The following RBM24 variants were observed in gnomAD, a reference collection of about 807,000 sequenced individuals.
RBM24 encodes RNA binding motif protein 24, also known as RNA-binding protein 24.
RBM24 carries 5 observed loss-of-function variants against 23.6 expected under a neutral mutation model. The observed-to-expected ratio is 0.21, with a 90% CI of 0.11 to 0.45. The LOEUF is 0.45. Ranked by LOEUF, RBM24 falls within the 20% of genes least tolerant of loss-of-function variation. The pLI, the probability that RBM24 is intolerant of heterozygous loss-of-function variation, is 0.99. For synonymous variants in RBM24, 151 were observed against 129.5 expected (o/e 1.17, Z -1.13); for missense variants, 252 against 314.6 (o/e 0.80, Z 1.51).
intron 2 of RBM24, 127 bp from the exon 3 acceptor site, chr6:17,284,530 T>C (rs1300004662): frequency 7.7e-6 from 5 of 650,298 alleles, no homozygotes; most frequent in South Asian, 2.6e-5. Context: ...TACATACATA[T>C]AGTTTCTTTA....
At position 17,292,001 on chromosome 6, in the gene RBM24, A is replaced by C. The variant is rs1183586720; in HGVS notation, c.593A>C (p.Gln198Pro). Residue 198 changes from glutamine (Q) to proline (P), a missense_variant, in exon 4 of 4, where the codon CAG becomes CCG. Physicochemically the swap from Gln to Pro is moderately conservative, Grantham distance 76 (BLOSUM62 -1). Transcript: ENST00000379052. ...GCTGGGGGCTATGGCTACGCAGTCC[A>C]GCAGCCAATCACCGCAGCGGCACCT... is the stretch of plus-strand genomic sequence containing the variant. The part of the protein sequence containing the change: ...VTAGGYGYAV[Q>P]QPITAAAPGT... The C allele has an allele frequency of 1.9e-6, 3 of 1,607,392 alleles. No individual in the cohort carries two copies. Among genetic ancestry groups the C allele is most frequent in the Non-Finnish European group, 2.5e-6 (3 of 1,179,142 alleles).
chr6:17,284,863 T>A, intron 3 of RBM24, 152 bp downstream of exon 3: 1 of 536,360 alleles, frequency 1.9e-6, no homozygotes, highest in Non-Finnish European at 3.2e-6. Flanking sequence ...GCTGATACTA[T>A]AAATATTTTT....
intron 3 of RBM24, among the ~76,000 whole-genome samples, chr6:17,287,802 C>G (rs1157638106): frequency 6.6e-6 from 1 of 151,412 alleles, no homozygotes; most frequent in Non-Finnish European, 1.5e-5. Flanking sequence ...GAGCGAGACT[C>G]CATCTCAAAA....
intron 3 of RBM24, chr6:17,288,542 A>G (rs1416806496): frequency 4.1e-6 from 4 of 985,338 alleles, no homozygotes; most frequent in African/African-American, 3.5e-5. Context: ...TGTTAAGACA[A>G]CAAAGCATAA....
At chr6:17,291,718 G>A (rs754497461) in intron 3 of RBM24, 38 bp from the exon 4 acceptor site, 1 of 1,571,578 alleles carries the variant, frequency 6.4e-7, no homozygotes, top group South Asian at 1.2e-5. Context: ...CAGTTAGGAG[G>A]TGACTACCGC....
rs972949524 is a variant in RBM24, at chr6:17,292,413, G to A, written c.*294G>A. The A allele has an allele frequency of 9.2e-6, 2 of 218,452 alleles. No individual in the cohort carries two copies. Among genetic ancestry groups the A allele is most frequent in the African/African-American group, 2.3e-5 (1 of 43,954 alleles). 13.5% of individuals were successfully genotyped at this position (218,452 alleles called of 1,614,324 possible). On this transcript the variant is annotated 3_prime_UTR_variant, in exon 4 of 4. Transcript: ENST00000379052. Reference sequence around the variant, plus strand: ...AACAACGGAACTTCACTTTTGTAACGGGATTTTTATTTTTGCTCTTTTTAT... The same window carrying A: ...AACAACGGAACTTCACTTTTGTAACAGGATTTTTATTTTTGCTCTTTTTAT...
At chr6:17,290,634 T>C (rs1006012739) in intron 3 of RBM24, among the ~76,000 whole-genome samples, 3 of 152,238 alleles carry the variant, frequency 2.0e-5, no homozygotes, top group Non-Finnish European at 2.9e-5. Context: ...GTACAAAATA[T>C]CAACGAATAG....
chr6:17,290,627 C>A (rs2113410930), intron 3 of RBM24, among the ~76,000 whole-genome samples: 1 of 152,162 alleles, frequency 6.6e-6, no homozygotes, highest in Non-Finnish European at 1.5e-5. Context: ...ATGATTTGTA[C>A]AAAATATCAA....
At chr6:17,289,170 A>G in intron 3 of RBM24, 1 of 985,254 alleles carries the variant, frequency 1.0e-6, no homozygotes, top group South Asian at 4.7e-5. Context: ...GTAAATGTCT[A>G]ATAGGAGGGA....
chr6:17,281,626 C>T lies in RBM24; in HGVS notation c.45C>T (p.Val15=), dbSNP rs529645663. Residue 15 remains valine, a synonymous_variant, in exon 1 of 4, where the codon GTC becomes GTT. Transcript: ENST00000379052. The surrounding 1 kb of genome is among the most constrained non-coding windows in gnomAD (Gnocchi z 7.1). ...ACACGACGTACACCAAGATCTTCGT[C>T]GGGGGGCTGCCCTACCACACCACCG... ...QKDTTYTKIF[V]GGLPYHTTDA... The T allele has an allele frequency of 3.6e-5, 55 of 1,549,178 alleles. No individual in the cohort carries two copies. The African/African-American group carries it at 5.2e-4, about 15-fold the overall frequency.
chr6:17,283,653 G>T (rs573542414), intron 2 of RBM24, among the ~76,000 whole-genome samples: 4 of 152,286 alleles, frequency 2.6e-5, no homozygotes, highest in African/African-American at 9.6e-5. Flanking sequence ...CTGACCTCAG[G>T]TGATCCACCC....
In RBM24 at chr6:17,284,556, G is replaced by A. The variant is rs1462787907; in HGVS notation, c.293-101G>A. ...AGTTTCTTTAAAGTGGCGAAAGAAT[G>A]TTTATCTTTTATAAGTGAAAGTTGT... On this transcript the variant is annotated intron_variant, in intron 2 of 3. Transcript: ENST00000379052. The A allele has an allele frequency of 3.4e-6, 3 of 882,510 alleles. No individual in the cohort carries two copies. The African/African-American group carries it at 5.0e-5, about 15-fold the overall frequency. The allele number at this position is 882,510 out of a possible 1,614,324, so 54.7% of individuals were successfully genotyped here.
chr6:17,282,842 G>A lies in RBM24; in HGVS notation c.206G>A (p.Cys69Tyr), dbSNP rs748859706. 6.2e-7 allele frequency: 1 copy of A among 1,614,142 alleles called. No homozygotes were observed. Among genetic ancestry groups the A allele is most frequent in the South Asian group, 1.1e-5 (1 of 91,074 alleles). ...MADRAAAERA[C>Y]KDPNPIIDGR... The stretch of plus-strand genomic sequence containing the variant: ...GACCGGGCTGCTGCCGAAAGGGCCT[G>A]CAAGGATCCCAATCCCATCATTGAT... The change falls in exon 2 of 4, where the codon TGC becomes TAC. Residue 69 changes from cysteine to tyrosine, a missense_variant. By Grantham distance (194) the Cys-to-Tyr change is radical. Coordinates refer to ENST00000379052, the MANE Select transcript of RBM24 (RefSeq NM_001143942.2).
At position 17,282,729 on chromosome 6, in the gene RBM24, C is replaced by G. The variant is rs768900478; in HGVS notation, c.169-76C>G. 2.5e-6 allele frequency: 4 copies of G among 1,583,792 alleles called. No individual in the cohort carries two copies. In the East Asian group the frequency reaches 9.2e-5, roughly 36 times the overall value. On this transcript the variant is annotated intron_variant, in intron 1 of 3. Coordinates refer to ENST00000379052, the MANE Select transcript of RBM24 (RefSeq NM_001143942.2). ...CTCAGTTTTATCATGAATGACTTCTCCATTGTGATTCTTGATTTCCTTCAT... is the reference window on the plus strand; with the variant it reads ...CTCAGTTTTATCATGAATGACTTCTGCATTGTGATTCTTGATTTCCTTCAT...
At position 17,281,486 on chromosome 6, in the gene RBM24, G is replaced by C. The variant is rs1403193835; in HGVS notation, c.-96G>C. On this transcript the variant is annotated 5_prime_UTR_variant, in exon 1 of 4. Coordinates refer to ENST00000379052, the MANE Select transcript of RBM24 (RefSeq NM_001143942.2). This position sits in a 1 kb window ranked among gnomAD's most constrained non-coding sequence, Gnocchi z 7.1. The stretch of plus-strand genomic sequence containing the variant: ...CTCGCCCTTGGCCCCCGGCGGCCGC[G>C]AAAGGGTGCGGGAGACGCGGAGCCG... The C allele has an allele frequency of 5.9e-6, 7 of 1,178,862 alleles. No homozygotes were observed. Among genetic ancestry groups the C allele is most frequent in the Non-Finnish European group, 7.5e-6 (7 of 929,044 alleles). The allele number at this position is 1,178,862 out of a possible 1,614,324, so 73.0% of individuals were successfully genotyped here. A position where few individuals can be genotyped will look rare whatever the true frequency, so the allele number is the denominator to read the frequency against.
chr6:17,290,022 C>A lies in RBM24; in HGVS notation c.348-1734C>A, dbSNP rs1271373860. ...ACATCTCTGAGTGTCCTCAGAAACACTTGATGACGTCGTTTCTCCTGGCAC... is the reference window on the plus strand; with the variant it reads ...ACATCTCTGAGTGTCCTCAGAAACAATTGATGACGTCGTTTCTCCTGGCAC... On this transcript the variant is annotated intron_variant, in intron 3 of 3. Transcript: ENST00000379052. 5 of 1,289,286 alleles carry A rather than the reference C, an allele frequency of 3.9e-6. No homozygotes were observed. The South Asian group carries it at 6.2e-5, about 16-fold the overall frequency. 79.9% of individuals were successfully genotyped at this position (1,289,286 alleles called of 1,614,324 possible). A position where few individuals can be genotyped will look rare whatever the true frequency, so the allele number is the denominator to read the frequency against.
At chr6:17,286,433 CTAA>C (rs1760200696) in intron 3 of RBM24, among the ~76,000 whole-genome samples, 2 of 152,218 alleles carry the variant, frequency 1.3e-5, no homozygotes, top group South Asian at 2.1e-4. Context: ...TGGGCTCACA[CTAA>C]TAATCTTGAA....
intron 1 of RBM24, chr6:17,282,107 T>A: frequency 8.2e-7 from 1 of 1,220,262 alleles, no homozygotes; most frequent in Non-Finnish European, 1.0e-6. Flanking sequence ...AAGCGCGCTG[T>A]TGCTTTGTAA....
At position 17,281,474 on chromosome 6, in the gene RBM24, C is replaced by A. The variant is rs1760010599; in HGVS notation, c.-108C>A. 9.5e-7 allele frequency: 1 copy of A among 1,047,804 alleles called. No homozygotes were observed. Among genetic ancestry groups the A allele is most frequent in the Non-Finnish European group, 1.2e-6 (1 of 829,992 alleles). 64.9% of individuals were successfully genotyped at this position (1,047,804 alleles called of 1,614,324 possible). On this transcript the variant is annotated 5_prime_UTR_variant, in exon 1 of 4. Coordinates refer to ENST00000379052, the MANE Select transcript of RBM24 (RefSeq NM_001143942.2). This position sits in a 1 kb window ranked among gnomAD's most constrained non-coding sequence, Gnocchi z 7.1. ...CTCGCCCCCGGGCTCGCCCTTGGCC[C>A]CCGGCGGCCGCGAAAGGGTGCGGGA...
Sources: gnomAD v4.1 joint callset for allele counts (sites outside exome capture counted in the v4.1 genomes callset) on GRCh38, gnomAD v4.1.1 for gene constraint, Gnocchi (gnomAD v3.1) non-coding constraint, MANE v1.5 for transcripts, NCBI Gene and HGNC (gene_info 2026-07-23, HGNC 2026-07-21) for gene names.